FLT4: variants seen among roughly 807,000 people sequenced by gnomAD.
FLT4 encodes the protein fms related receptor tyrosine kinase 4.
FLT4 carries 30 observed loss-of-function variants against 163.2 expected under a neutral mutation model. The ratio of observed to expected loss-of-function variants is 0.18; its 90% confidence interval spans 0.14 to 0.25. The LOEUF (loss-of-function observed/expected upper bound fraction) is 0.25. Among genes scored for constraint, FLT4 ranks in the 10% least tolerant of loss-of-function variants. The pLI is 1.00. For missense variants in FLT4, 1,510 were observed against 1,863.8 expected, an observed-to-expected ratio of 0.81 and a Z score of 3.50; for synonymous variants, 884 against 789.5, an observed-to-expected ratio of 1.12 and a Z score of -2.01.
intron 8 of FLT4, among the ~76,000 whole-genome samples, chr5:180,627,589 T>C (rs1763728095): frequency 6.6e-6 from 1 of 152,210 alleles, no homozygotes; most frequent in South Asian, 2.1e-4. Context: ...GCCATCGTCA[T>C]GTGCTGGTGC....
In FLT4 at chr5:180,630,181, G is replaced by T; in HGVS notation, c.513+44C>A. The T allele has an allele frequency of 6.2e-7, 1 of 1,604,908 alleles. No individual in the cohort carries two copies. Among genetic ancestry groups the T allele is most frequent in the Non-Finnish European group, 8.5e-7 (1 of 1,173,378 alleles). On this transcript the variant is annotated intron_variant, in intron 4 of 29. Coordinates refer to ENST00000261937, the MANE Select transcript of FLT4 (RefSeq NM_182925.5). The surrounding 1 kb of genome is among the most constrained non-coding windows in gnomAD (Gnocchi z 6.3). ...AGACAGGCGGCCGCCTTTCCCAGGG[G>T]TGGGATGGGAGGGTCGGATGCTGGG...
chr5:180,641,655 G>A (rs368593017), intron 1 of FLT4, among the ~76,000 whole-genome samples: 7 of 152,182 alleles, frequency 4.6e-5, no homozygotes, highest in East Asian at 3.9e-4. Flanking sequence ...CAGCAGGAGC[G>A]TCCTGTCTGG....
chr5:180,610,965 G>A (rs892565798), intron 27 of FLT4, among the ~76,000 whole-genome samples: 35 of 152,234 alleles, frequency 2.3e-4, no homozygotes, highest in Non-Finnish European at 4.4e-4. Flanking sequence ...GCTGAGGCAG[G>A]AGAATGGCGT....
chr5:180,625,802 A>T, intron 10 of FLT4, 67 bp downstream of exon 10: 1 of 1,459,692 alleles, frequency 6.9e-7, no homozygotes, highest in Non-Finnish European at 9.5e-7. Flanking sequence ...GCTGTAAAGG[A>T]GGTTCCTCAT....
At chr5:180,611,621 G>C in intron 26 of FLT4, 142 bp from the exon 27 acceptor site, 4 of 829,586 alleles carry the variant, frequency 4.8e-6, no homozygotes, top group Non-Finnish European at 7.3e-6. Flanking sequence ...TCTCGCCCCC[G>C]CCCTCGCCCT....
At chr5:180,647,314 C>G (rs993652298) in intron 1 of FLT4, among the ~76,000 whole-genome samples, 1 of 152,210 alleles carries the variant, frequency 6.6e-6, no homozygotes, top group African/African-American at 2.4e-5. Flanking sequence ...ACACACAACC[C>G]ACACAACCTC....
chr5:180,644,499 C>A, intron 1 of FLT4, among the ~76,000 whole-genome samples: 1 of 152,212 alleles, frequency 6.6e-6, no homozygotes, highest in East Asian at 1.9e-4. Flanking sequence ...GTGTGCCTGC[C>A]CCTTCTTTCC....
chr5:180,649,367 C>T (rs943680384), intron 1 of FLT4, 121 bp downstream of exon 1: 2 of 684,414 alleles, frequency 2.9e-6, no homozygotes, highest in African/African-American at 3.9e-5. Context: ...GTCCGCGCAC[C>T]AGGGCCACCG....
At chr5:180,647,141 C>T (rs1217716774) in intron 1 of FLT4, among the ~76,000 whole-genome samples, 1 of 152,220 alleles carries the variant, frequency 6.6e-6, no homozygotes, top group African/African-American at 2.4e-5. Context: ...AGATGCCCAG[C>T]AGACCCTGCT....
intron 1 of FLT4, among the ~76,000 whole-genome samples, chr5:180,637,234 G>T (rs1764754680): frequency 6.6e-6 from 1 of 151,804 alleles, no homozygotes; most frequent in Non-Finnish European, 1.5e-5. Context: ...GGAGGCTGAG[G>T]CAGGAGAATC....
At chr5:180,629,155 G>C in intron 7 of FLT4, 104 bp downstream of exon 7, 2 of 1,503,778 alleles carry the variant, frequency 1.3e-6, no homozygotes, top group African/African-American at 1.4e-5. Context: ...TCCTCTGCTC[G>C]TGGCCCTCCC....
rs760356395 is a variant in FLT4, at chr5:180,614,135, G to C, written c.3264C>G (p.Asp1088Glu). 1.9e-6 allele frequency: 3 copies of C among 1,614,076 alleles called. No individual in the cohort carries two copies. The African/African-American group carries it at 4.0e-5, about 22-fold the overall frequency. ...CGTCACTCTGCGTGGTGTACACCTTGTCGAAGATGCTTTCAGGGGCCATCC... is the reference window on the plus strand; with the variant it reads ...CGTCACTCTGCGTGGTGTACACCTTCTCGAAGATGCTTTCAGGGGCCATCC... Reference protein sequence around the residue: ...LKWMAPESIFDKVYTTQSDVW... With the variant: ...LKWMAPESIFEKVYTTQSDVW... The change falls in exon 24 of 30, where the codon GAC becomes GAG. Residue 1088 changes from aspartate to glutamate, a missense_variant. Coordinates refer to ENST00000261937, the MANE Select transcript of FLT4 (RefSeq NM_182925.5).
At position 180,619,280 on chromosome 5, in the gene FLT4, G is replaced by C. The variant is rs753560971; in HGVS notation, c.2734C>G (p.Leu912Val). The C allele has an allele frequency of 2.7e-5, 44 of 1,610,460 alleles. No homozygotes were observed. The African/African-American group carries it at 5.5e-4, about 20-fold the overall frequency. ...HIGNHLNVVN[L>V]LGACTKPQGP... ...TGCGGCTTGGTGCACGCCCCGAGGAGGTTGACCACGTTGAGGTGGTTGCCG... is the reference window on the plus strand; with the variant it reads ...TGCGGCTTGGTGCACGCCCCGAGGACGTTGACCACGTTGAGGTGGTTGCCG... Residue 912 changes from leucine (L) to valine (V), a missense_variant, in exon 19 of 30, where the codon CTC (leucine) becomes GTC (valine). By Grantham distance (32) the Leu-to-Val change is conservative. Transcript: ENST00000261937.
chr5:180,643,825 GT>G lies in FLT4; in HGVS notation c.58+5662del, dbSNP rs573767056. ...GCCGGCTCATTACCACTTTTAACAG[GT>G]TTTTTTTTTTTTTGAAGTGGAGTCT... On this transcript the variant is annotated intron_variant, in intron 1 of 29. Coordinates refer to ENST00000261937, the MANE Select transcript of FLT4 (RefSeq NM_182925.5). 3.5e-3 allele frequency among the ~76,000 whole-genome samples: 500 copies of G among 143,554 alleles called. 1 individual carries two copies. Among genetic ancestry groups the G allele is most frequent in the East Asian group, 0.024 (118 of 4,990 alleles). The allele number at this position is 143,554 out of a possible 152,430, so 94.2% of individuals were successfully genotyped here.
chr5:180,613,149 C>T (rs1381256534), intron 24 of FLT4, 39 bp from the exon 25 acceptor site: 3 of 1,492,282 alleles, frequency 2.0e-6, no homozygotes, highest in Non-Finnish European at 2.8e-6. Flanking sequence ...GAGCAAGCCT[C>T]CTGCGGCTCA....
In FLT4 at chr5:180,623,388, CAG is replaced by C. The variant is rs751966833; in HGVS notation, c.1548+545_1548+546del. Among the ~76,000 whole-genome samples, 47 of 152,156 alleles carry C rather than the reference CAG, an allele frequency of 3.1e-4. No homozygotes were observed. The highest frequency in any genetic ancestry group is 3.9e-4 in the Admixed American group (6 of 15,284). ...CTCAGGGAGTAGGAAGCCTGAGACA[CAG>C]GGGAGGAGAGAGGGCCACAGGCCCT... On this transcript the variant is annotated intron_variant, in intron 11 of 29. Transcript: ENST00000261937. This position sits in a 1 kb window ranked among gnomAD's most constrained non-coding sequence, Gnocchi z 5.8.
intron 8 of FLT4, 124 bp downstream of exon 8, chr5:180,628,758 G>A (rs949758034): frequency 3.1e-5 from 22 of 712,016 alleles, no homozygotes; most frequent in Non-Finnish European, 4.6e-5. Context: ...AGAGGCCCCC[G>A]CCATGCCTGG....
At position 180,603,346 on chromosome 5, in the gene FLT4, G is replaced by C. The variant is rs185808242; in HGVS notation, c.3938C>G (p.Pro1313Arg). The C allele has an allele frequency of 6.2e-7, 1 of 1,614,106 alleles. No individual in the cohort carries two copies. Among genetic ancestry groups the C allele is most frequent in the Non-Finnish European group, 8.5e-7 (1 of 1,179,996 alleles). ...GQNVAVTRAHPDSQGRRRRPE... is the reference protein window; with the variant it reads ...GQNVAVTRAHRDSQGRRRRPE... ...CCGCCGCCGCCTCCCTTGGGAGTCA[G>C]GGTGTGCCCTGGTCACAGCCACATT... Residue 1313 changes from proline to arginine, a missense_variant, in exon 30 of 30, where the codon CCT (proline) becomes CGT (arginine). Physicochemically the swap from Pro to Arg is moderately radical, Grantham distance 103 (BLOSUM62 -2). Coordinates refer to ENST00000261937, the MANE Select transcript of FLT4 (RefSeq NM_182925.5).
At chr5:180,612,415 G>T in intron 26 of FLT4, 91 bp downstream of exon 26, 1 of 924,312 alleles carries the variant, frequency 1.1e-6, no homozygotes, top group Non-Finnish European at 1.8e-6. Flanking sequence ...GAGGTGGGCA[G>T]AGCCTAGATG....
Sources: allele counts gnomAD v4.1 joint callset (sites outside exome capture counted in the v4.1 genomes callset), GRCh38; gene constraint gnomAD v4.1.1; non-coding constraint Gnocchi (gnomAD v3.1); transcripts MANE v1.5; gene names NCBI Gene and HGNC (gene_info 2026-07-23, HGNC 2026-07-21).